Variants in GSS observed in about 807,000 individuals in gnomAD.
The protein encoded by GSS is glutathione synthetase, also known as GSH synthetase.
A neutral mutation model predicts 60.4 loss-of-function variants in GSS; 34 were observed. The observed-to-expected ratio is 0.56, with a 90% confidence interval of 0.43 to 0.75. The LOEUF (loss-of-function observed/expected upper bound fraction) is 0.75. GSS is among the 30% of genes least tolerant of loss of function. The pLI, the probability that GSS is intolerant of heterozygous loss-of-function variation, is 0.00. For missense variants in GSS, 499 were observed against 595.1 expected, an observed-to-expected ratio of 0.84 and a Z score of 1.68; for synonymous variants, 224 against 239.0, an observed-to-expected ratio of 0.94 and a Z score of 0.58.
intron 11 of GSS, among the ~76,000 whole-genome samples, chr20:34,930,225 C>T (rs184331531): frequency 8.1e-4 from 122 of 150,384 alleles, no homozygotes; most frequent in African/African-American, 2.9e-3. Flanking sequence ...AAGATCATGC[C>T]ACTGCACTCC....
intron 9 of GSS, among the ~76,000 whole-genome samples, chr20:34,932,694 T>G (rs1386600304): frequency 6.6e-6 from 1 of 152,180 alleles, no homozygotes; most frequent in Non-Finnish European, 1.5e-5. Context: ...CCCTGTCCAC[T>G]CTATTTAATG....
At chr20:34,952,032 G>C in intron 1 of GSS, 172 bp from the exon 2 acceptor site, 1 of 674,890 alleles carries the variant, frequency 1.5e-6, no homozygotes, top group Non-Finnish European at 2.7e-6. Context: ...CAACTTCCAT[G>C]TGCACAAAAT....
chr20:34,941,070 T>A (rs974392768), intron 6 of GSS, among the ~76,000 whole-genome samples: 1 of 152,104 alleles, frequency 6.6e-6, no homozygotes, highest in Non-Finnish European at 1.5e-5. Flanking sequence ...AGAAAATGAA[T>A]GAGAGGCCGG....
chr20:34,935,860 G>C (rs2081437236), intron 8 of GSS, among the ~76,000 whole-genome samples: 1 of 152,158 alleles, frequency 6.6e-6, no homozygotes. Flanking sequence ...GAATACTTTA[G>C]AATATGCCAG....
At chr20:34,933,783 A>G (rs1307950662) in intron 9 of GSS, 1 of 152,200 alleles carries the variant, frequency 6.6e-6, no homozygotes, top group African/African-American at 2.4e-5. Context: ...AGCAAAACCA[A>G]AGATAAGCAA....
intron 9 of GSS, among the ~76,000 whole-genome samples, chr20:34,933,391 G>A (rs966925036): frequency 8.5e-5 from 13 of 152,204 alleles, no homozygotes; most frequent in African/African-American, 3.1e-4. Context: ...CAGGCTAAGA[G>A]AATAATATGA....
At chr20:34,940,453 C>T (rs1569013435) in intron 6 of GSS, among the ~76,000 whole-genome samples, 1 of 151,926 alleles carries the variant, frequency 6.6e-6, no homozygotes, top group Non-Finnish European at 1.5e-5. Context: ...TTAGCAAGGA[C>T]AGAGAGGCTC....
intron 1 of GSS, 127 bp from the exon 2 acceptor site, chr20:34,951,987 T>C: frequency 1.1e-6 from 1 of 913,722 alleles, no homozygotes; most frequent in Non-Finnish European, 1.8e-6. Flanking sequence ...CAGCGTGGTA[T>C]ACAGGAGTGA....
chr20:34,952,345 T>C (rs1406865409), intron 1 of GSS: 1 of 187,608 alleles, frequency 5.3e-6, no homozygotes, highest in Non-Finnish European at 1.1e-5. Flanking sequence ...TGGCTGAACA[T>C]TCTGGGGAGC....
chr20:34,931,801 G>A, intron 10 of GSS, 138 bp downstream of exon 10: 1 of 761,746 alleles, frequency 1.3e-6, no homozygotes, highest in Non-Finnish European at 2.3e-6. Context: ...AGTTCTAGGG[G>A]TTCTCCAGAG....
chr20:34,942,964 G>A lies in GSS; in HGVS notation c.318C>T (p.Ile106=), dbSNP rs1299366880. The part of the protein sequence containing the change: ...QDDFTARLFD[I]HKQVLKEGIA... ...TGCCCTCTTTTAGGACTTGCTTGTG[G>A]ATGTCAAAGAGACGAGCGGTAAAGT... Residue 106 remains isoleucine, a synonymous_variant, in exon 4 of 13, where the codon ATC becomes ATT. Coordinates refer to ENST00000651619, the MANE Select transcript of GSS (RefSeq NM_000178.4). The A allele has an allele frequency of 5.6e-6, 9 of 1,611,712 alleles. No homozygotes were observed. Among genetic ancestry groups the A allele is most frequent in the Non-Finnish European group, 7.6e-6 (9 of 1,178,504 alleles).
chr20:34,935,671 T>C (rs1053064174), intron 8 of GSS, 29 bp from the exon 9 acceptor site: 5 of 1,534,222 alleles, frequency 3.3e-6, no homozygotes, highest in Non-Finnish European at 3.6e-6. Context: ...AAGGCTGCTG[T>C]GTTAAATTAT....
chr20:34,947,851 C>T (rs1467163916), intron 2 of GSS, among the ~76,000 whole-genome samples: 1 of 151,718 alleles, frequency 6.6e-6, no homozygotes, highest in African/African-American at 2.4e-5. Flanking sequence ...ATGAGAAAGT[C>T]CATACATTCT....
chr20:34,949,042 A>AT (rs575946164), intron 2 of GSS, among the ~76,000 whole-genome samples: 2,484 of 148,498 alleles, frequency 0.017, 78 homozygotes, highest in African/African-American at 0.057. Context: ...TAATTTCATG[A>AT]TTTTTTTTTT....
intron 11 of GSS, among the ~76,000 whole-genome samples, chr20:34,930,467 C>T (rs1389010635): frequency 6.6e-6 from 1 of 152,084 alleles, no homozygotes; most frequent in African/African-American, 2.4e-5. Flanking sequence ...TTCCACTACC[C>T]TCTCACTATC....
intron 3 of GSS, among the ~76,000 whole-genome samples, 179 bp downstream of exon 3, chr20:34,945,774 A>G (rs2081516073): frequency 6.6e-6 from 1 of 152,232 alleles, no homozygotes; most frequent in Non-Finnish European, 1.5e-5. Context: ...CCATATAAAT[A>G]ACTGGTCGAG....
intron 11 of GSS, among the ~76,000 whole-genome samples, chr20:34,930,315 G>A (rs1321948051): frequency 1.3e-5 from 2 of 151,158 alleles, no homozygotes; most frequent in Non-Finnish European, 2.9e-5. Context: ...CAGGCTCCCT[G>A]CTTAGACATC....
chr20:34,930,082 A>G (rs2081389056), intron 11 of GSS, among the ~76,000 whole-genome samples: 1 of 152,090 alleles, frequency 6.6e-6, no homozygotes, highest in Non-Finnish European at 1.5e-5. Context: ...CCTGGCCAAT[A>G]TGATGAAACC....
intron 11 of GSS, among the ~76,000 whole-genome samples, chr20:34,930,950 C>T (rs2081396261): frequency 6.6e-6 from 1 of 152,038 alleles, no homozygotes; most frequent in African/African-American, 2.4e-5. Flanking sequence ...AATTCCTACC[C>T]ACCTCTTAAG....
Sources: allele counts gnomAD v4.1 joint callset (sites outside exome capture counted in the v4.1 genomes callset), GRCh38; gene constraint gnomAD v4.1.1; transcripts MANE v1.5; gene names NCBI Gene and HGNC (gene_info 2026-07-23, HGNC 2026-07-21).